Variants in ABCC12 observed in about 807,000 individuals in gnomAD.
ABCC12 encodes the protein ATP-binding cassette sub-family C member 12.
A neutral mutation model predicts 151.1 loss-of-function variants in ABCC12; 142 were observed. That is an observed-to-expected ratio of 0.94 (90% confidence interval 0.82 to 1.08). The LOEUF (loss-of-function observed/expected upper bound fraction) is 1.08, where lower values mean the gene tolerates loss of function less well. ABCC12 is among the 50% of genes least tolerant of loss of function. The probability of loss-of-function intolerance (pLI) is 0.00; values close to 1 mark genes in which losing one functional copy is unlikely to be tolerated. For missense variants in ABCC12, 1,638 were observed against 1,691.1 expected, an observed-to-expected ratio of 0.97 and a Z score of 0.55; for synonymous variants, 645 against 646.4, an observed-to-expected ratio of 1.00 and a Z score of 0.03.
intron 23 of ABCC12, among the ~76,000 whole-genome samples, chr16:48,100,300 T>C (rs981754026): frequency 5.9e-5 from 9 of 152,198 alleles, no homozygotes; most frequent in Non-Finnish European, 1.3e-4. Flanking sequence ...AGTTTGAAGC[T>C]GGAAGATGCC....
intron 11 of ABCC12, 83 bp downstream of exon 11, chr16:48,128,376 A>G (rs1362493310): frequency 1.3e-6 from 2 of 1,549,878 alleles, no homozygotes; most frequent in Non-Finnish European, 1.7e-6. Flanking sequence ...GCTCTAACTG[A>G]ACTGTATCAG....
At chr16:48,135,252 G>A (rs1964570148) in intron 8 of ABCC12, among the ~76,000 whole-genome samples, 1 of 152,128 alleles carries the variant, frequency 6.6e-6, no homozygotes, top group Non-Finnish European at 1.5e-5. Flanking sequence ...AGCAAATAAA[G>A]GCCCTCCTTT....
intron 22 of ABCC12, among the ~76,000 whole-genome samples, 190 bp from the exon 23 acceptor site, chr16:48,101,199 G>A (rs751092084): frequency 5.9e-5 from 9 of 152,218 alleles, no homozygotes; most frequent in African/African-American, 1.2e-4. Flanking sequence ...TGGCGGAGGC[G>A]TGAGAACCAT....
rs753479710 is a variant in ABCC12 at position 48,121,814 on chromosome 16, T to C, written c.1614A>G (p.Ala538=). Residue 538 remains alanine, a synonymous_variant, in exon 13 of 31, where the codon GCA becomes GCG. Coordinates refer to ENST00000311303, the MANE Select transcript of ABCC12 (RefSeq NM_001393797.1). Reference sequence around the variant, plus strand: ...AAACGTAGGCCAAAGTTCCATTGACTGCCACCACCCCTTTCTGCAGCTGCA... The same window carrying C: ...AAACGTAGGCCAAAGTTCCATTGACCGCCACCACCCCTTTCTGCAGCTGCA... ...GQMQLQKGVV[A]VNGTLAYVSQ... is the part of the protein sequence containing the mutation. 3 of 1,614,202 alleles carry C rather than the reference T, an allele frequency of 1.9e-6. No homozygotes were observed. Among genetic ancestry groups the C allele is most frequent in the Non-Finnish European group, 2.5e-6 (3 of 1,180,040 alleles).
intron 18 of ABCC12, among the ~76,000 whole-genome samples, chr16:48,110,174 C>T (rs946594577): frequency 5.9e-5 from 9 of 152,178 alleles, no homozygotes; most frequent in East Asian, 1.9e-4. Flanking sequence ...TCCAAATGTG[C>T]GTGCATTTGT....
At chr16:48,088,505 A>T in intron 26 of ABCC12, 40 bp downstream of exon 26, 1 of 1,591,240 alleles carries the variant, frequency 6.3e-7, no homozygotes, top group Non-Finnish European at 8.6e-7. Context: ...AAATCCAAAG[A>T]AAACAACCCA....
chr16:48,129,317 G>C (rs1303277340), intron 10 of ABCC12, among the ~76,000 whole-genome samples: 1 of 152,200 alleles, frequency 6.6e-6, no homozygotes, highest in Admixed American at 6.5e-5. Context: ...GCCAGAGAAG[G>C]GACACTTGGC....
At position 48,119,983 on chromosome 16, in the gene ABCC12, G is replaced by A. The variant is rs570833953; in HGVS notation, c.1712+1733C>T. On this transcript the variant is annotated intron_variant, in intron 13 of 30. Transcript: ENST00000311303. ...AATGCCACAATCTCTCTAAATGGGT[G>A]GTTAAGGGACTCAAATGAGAGAATG... is the stretch of plus-strand genomic sequence containing the variant. Among the ~76,000 whole-genome samples, 15 of 152,226 alleles carry A rather than the reference G, an allele frequency of 9.9e-5. No individual in the cohort carries two copies. In the South Asian group the frequency reaches 2.7e-3, roughly 27 times the overall value.
At chr16:48,140,592 G>A (rs1964769642) in intron 6 of ABCC12, 95 bp downstream of exon 6, 3 of 1,213,518 alleles carry the variant, frequency 2.5e-6, no homozygotes, top group Non-Finnish European at 3.5e-6. Context: ...ACAAGCAAAA[G>A]GAAGGCAGGT....
intron 28 of ABCC12, 125 bp from the exon 29 acceptor site, chr16:48,085,831 T>A: frequency 4.0e-6 from 3 of 745,974 alleles, no homozygotes; most frequent in Non-Finnish European, 6.8e-6. Flanking sequence ...GCAAAGAAAG[T>A]GCAAAACAAC....
Position 48,083,627 on chromosome 16 carries a change from C to T in ABCC12, c.*88G>A. ...GGGAGGGGCTGAAGACCAGGGCTGC[C>T]TGCGGAGAGGACAGCCCCTCCTCCT... On this transcript the variant is annotated 3_prime_UTR_variant, in exon 31 of 31. Transcript: ENST00000311303. 3 of 1,364,844 alleles carry T rather than the reference C, an allele frequency of 2.2e-6. No homozygotes were observed. Among genetic ancestry groups the T allele is most frequent in the Non-Finnish European group, 3.1e-6 (3 of 977,152 alleles). 84.5% of individuals were successfully genotyped at this position (1,364,844 alleles called of 1,614,324 possible).
At chr16:48,142,865 C>G (rs1964865699) in intron 4 of ABCC12, among the ~76,000 whole-genome samples, 1 of 152,100 alleles carries the variant, frequency 6.6e-6, no homozygotes. Flanking sequence ...AGAAGAGGTA[C>G]TGATCTGAAG....
At chr16:48,095,939 C>G (rs978532616) in intron 24 of ABCC12, among the ~76,000 whole-genome samples, 3 of 152,148 alleles carry the variant, frequency 2.0e-5, no homozygotes, top group Non-Finnish European at 4.4e-5. Flanking sequence ...AACATGAGGA[C>G]CAGGTGGCCT....
In ABCC12 at chr16:48,088,656, A is replaced by G. The variant is rs760596928; in HGVS notation, c.3364T>C (p.Phe1122Leu). ...KDWPSRGEITFRDYQMRYRDN... is the reference protein window; with the variant it reads ...KDWPSRGEITLRDYQMRYRDN... ...CTGTATCTCATCTGATAGTCTCTGA[A>G]GGTGATCTCCCCACGGCTGGGCCAG... is the stretch of plus-strand genomic sequence containing the variant. Residue 1122 changes from phenylalanine (F) to leucine (L), a missense_variant, in exon 26 of 31, where the codon TTC (phenylalanine) becomes CTC (leucine). Transcript: ENST00000311303. 1 of 1,614,230 alleles carries G rather than the reference A, an allele frequency of 6.2e-7. No individual in the cohort carries two copies. Among genetic ancestry groups the G allele is most frequent in the Non-Finnish European group, 8.5e-7 (1 of 1,180,044 alleles).
Position 48,140,872 on chromosome 16 carries a change from TC to T in ABCC12, c.471del (p.Val159SerfsTer9). On this transcript the variant is annotated frameshift_variant, in exon 6 of 31. Transcript: ENST00000311303. LOFTEE classifies it high-confidence loss of function. ...QILQQTERTS[G>X]KVWVGIGLCI... Reference sequence around the variant, plus strand: ...CACAGTCCAATGCCAACCCAGACTTTCCCAGAGGTCCTCTCAGTCTGCTGGA... The same window carrying T: ...CACAGTCCAATGCCAACCCAGACTTTCCAGAGGTCCTCTCAGTCTGCTGGA... 6.2e-7 allele frequency: 1 copy of T among 1,614,116 alleles called. No homozygotes were observed. The highest frequency in any genetic ancestry group is 8.5e-7 in the Non-Finnish European group (1 of 1,180,024).
At chr16:48,132,887 C>T (rs905644298) in intron 9 of ABCC12, among the ~76,000 whole-genome samples, 1 of 152,148 alleles carries the variant, frequency 6.6e-6, no homozygotes, top group Non-Finnish European at 1.5e-5. Context: ...ATTACAAAAC[C>T]GAGGCCAGAG....
At chr16:48,112,042 G>T in intron 15 of ABCC12, 132 bp from the exon 16 acceptor site, 1 of 1,164,072 alleles carries the variant, frequency 8.6e-7, no homozygotes, top group Non-Finnish European at 1.2e-6. Context: ...GCTGTCCTGT[G>T]CATTGTAGGA....
At chr16:48,116,273 G>A (rs973261056) in intron 14 of ABCC12, among the ~76,000 whole-genome samples, 1 of 152,174 alleles carries the variant, frequency 6.6e-6, no homozygotes, top group African/African-American at 2.4e-5. Flanking sequence ...AGTTAGGCAC[G>A]GGGCGGGACA....
At chr16:48,153,276 G>A (rs915659096) in intron 2 of ABCC12, among the ~76,000 whole-genome samples, 12 of 152,326 alleles carry the variant, frequency 7.9e-5, no homozygotes, top group African/African-American at 2.9e-4. Flanking sequence ...TCTCAGTGAA[G>A]GGTAGTTGGG....
Sources: allele counts gnomAD v4.1 joint callset (sites outside exome capture counted in the v4.1 genomes callset), GRCh38; gene constraint gnomAD v4.1.1; transcripts MANE v1.5; gene names NCBI Gene and HGNC (gene_info 2026-07-23, HGNC 2026-07-21).